DIXDC1: variants seen among roughly 807,000 people sequenced by gnomAD.
DIXDC1 encodes dixin.
In DIXDC1, 64 loss-of-function variants were observed where a neutral mutation model predicts 103.1. The ratio of observed to expected loss-of-function variants is 0.62; its 90% CI spans 0.51 to 0.76. The LOEUF is 0.76. Ranked by LOEUF, DIXDC1 falls within the 30% of genes least tolerant of loss-of-function variation. DIXDC1 has a pLI of 0.00. For synonymous variants in DIXDC1, 266 were observed against 298.5 expected, an observed-to-expected ratio of 0.89 and a Z score of 1.12; for missense variants, 759 against 834.2, an observed-to-expected ratio of 0.91 and a Z score of 1.11.
At chr11:112,013,332 T>C (rs868950370) in intron 17 of DIXDC1, among the ~76,000 whole-genome samples, 1 of 28,160 alleles carries the variant, frequency 3.6e-5, no homozygotes, top group Non-Finnish European at 7.7e-5. Flanking sequence ...GGGGGTGGGG[T>C]GGGGGGGGGG....
At position 111,980,847 on chromosome 11, in the gene DIXDC1, C is replaced by G; in HGVS notation, c.767C>G (p.Thr256Arg). ...IIPAEGIENRTEGTDSPLSRD... is the reference protein window; with the variant it reads ...IIPAEGIENRREGTDSPLSRD... ...CCCGCTGAAGGAATAGAGAACAGAA[C>G]AGGTACTATCTCTACGCCTGCCTGG... is the stretch of plus-strand genomic sequence containing the variant. The change falls in exon 6 of 20, where the codon ACA becomes AGA. Residue 256 changes from threonine to arginine, a missense_variant and splice_region_variant. Transcript: ENST00000440460. The G allele has an allele frequency of 6.2e-7, 1 of 1,612,298 alleles. No individual in the cohort carries two copies. Among genetic ancestry groups the G allele is most frequent in the Non-Finnish European group, 8.5e-7 (1 of 1,178,406 alleles).
At chr11:112,001,343 C>G (rs1555175976) in intron 17 of DIXDC1, among the ~76,000 whole-genome samples, 1 of 152,162 alleles carries the variant, frequency 6.6e-6, no homozygotes, top group East Asian at 1.9e-4. Flanking sequence ...TACAGGTTTT[C>G]TTTTGGGATG....
rs781855760 is a variant in DIXDC1 at position 111,974,198 on chromosome 11, C to T, written c.492C>T (p.Ala164=). The change falls in exon 4 of 20, where the codon GCC becomes GCT. Residue 164 remains alanine (A), a synonymous_variant. Coordinates refer to ENST00000440460, the MANE Select transcript of DIXDC1 (RefSeq NM_001037954.4). ...AVAQGAAAAL[A]DVCHDMSRSG... ...CCCAGGGAGCAGCTGCTGCTCTGGC[C>T]GATGTGTGTCATGACATGTCCCGAT... 5.6e-6 allele frequency: 9 copies of T among 1,613,726 alleles called. No individual in the cohort carries two copies. The highest frequency in any genetic ancestry group is 1.6e-4 in the Middle Eastern group (1 of 6,082).
chr11:111,957,625 C>G (rs1446830304), intron 1 of DIXDC1, among the ~76,000 whole-genome samples: 1 of 152,150 alleles, frequency 6.6e-6, no homozygotes, highest in Non-Finnish European at 1.5e-5. Flanking sequence ...CAGATAAACC[C>G]AAATTGTGGG....
rs1359744575 is a variant in DIXDC1 at position 111,937,432 on chromosome 11, GGGA to G, written c.-56_-54del. ...TGAGCCGAGAGCCTTTGTGTGCAGA[GGGA>G]GGAGGAGGAGGCGGCGGCGGCCGCC... On this transcript the variant is annotated 5_prime_UTR_variant, in exon 1 of 20. Transcript: ENST00000440460. 24 of 1,544,360 alleles carry G rather than the reference GGGA, an allele frequency of 1.6e-5. No individual in the cohort carries two copies. The highest frequency in any genetic ancestry group is 4.1e-5 in the African/African-American group (3 of 72,684).
At chr11:112,011,995 G>A (rs1303334618) in intron 17 of DIXDC1, among the ~76,000 whole-genome samples, 1 of 152,014 alleles carries the variant, frequency 6.6e-6, no homozygotes, top group South Asian at 2.1e-4. Flanking sequence ...GAAAATCTTA[G>A]GTATAAACTT....
At chr11:111,935,430 C>T (rs1247864465), upstream of DIXDC1, among the ~76,000 whole-genome samples, 1 of 152,196 alleles carries the variant, frequency 6.6e-6, no homozygotes, top group Non-Finnish European at 1.5e-5. Flanking sequence ...GTTTGAGAAA[C>T]GCTGACCTCT....
intron 1 of DIXDC1, among the ~76,000 whole-genome samples, chr11:111,945,049 T>C (rs1185330462): frequency 1.3e-5 from 2 of 152,164 alleles, no homozygotes; most frequent in Non-Finnish European, 2.9e-5. Flanking sequence ...GTGGACGTTA[T>C]TGACTCATGG....
chr11:111,954,284 C>T (rs1048423650), intron 1 of DIXDC1, among the ~76,000 whole-genome samples: 6 of 152,110 alleles, frequency 3.9e-5, no homozygotes, highest in Admixed American at 2.6e-4. Flanking sequence ...CTAGATTCCT[C>T]ACATGCACAG....
intron 1 of DIXDC1, among the ~76,000 whole-genome samples, chr11:111,956,201 G>A (rs907357481): frequency 1.3e-5 from 2 of 152,146 alleles, no homozygotes; most frequent in East Asian, 3.8e-4. Context: ...AAAGTAGAAT[G>A]GTGGTTGCCA....
Position 111,995,506 on chromosome 11 carries a change from T to C in DIXDC1, c.1631T>C (p.Ile544Thr). Residue 544 changes from isoleucine to threonine, a missense_variant, in exon 16 of 20, where the codon ATT becomes ACT. Transcript: ENST00000440460. ...HHTIDSLEQG[I>T]SSLMERLHVM... The stretch of plus-strand genomic sequence containing the variant: ...ACTATTGACAGCTTGGAGCAGGGCA[T>C]TTCTAGCCTCATGGAGCGCCTGCAT... The C allele has an allele frequency of 6.2e-7, 1 of 1,614,008 alleles. No individual in the cohort carries two copies. Among genetic ancestry groups the C allele is most frequent in the Non-Finnish European group, 8.5e-7 (1 of 1,179,910 alleles).
intron 1 of DIXDC1, chr11:111,928,578 T>C (rs1478602327): frequency 6.7e-6 from 1 of 148,512 alleles, no homozygotes; most frequent in Non-Finnish European, 1.5e-5. Context: ...ATGCCCAACA[T>C]GGCGAAACCC....
At position 111,964,575 on chromosome 11, in the gene DIXDC1, G is replaced by A. The variant is rs1555171317; in HGVS notation, c.87G>A (p.Trp29Ter). The A allele has an allele frequency of 1.2e-6, 2 of 1,607,762 alleles. No individual in the cohort carries two copies. The highest frequency in any genetic ancestry group is 3.4e-5 in the Admixed American group (2 of 58,920). The change falls in exon 2 of 20, where the codon TGG becomes TGA. Residue 29 changes from tryptophan (W) to a stop codon, truncating the protein, a stop_gained. Coordinates refer to ENST00000440460, the MANE Select transcript of DIXDC1 (RefSeq NM_001037954.4). LOFTEE classifies it high-confidence loss of function. ...AACAGCTGCAGGCCTATGTGGCCTG[G>A]GTGAATGCACAGCTGAAGAAGAGGC... Reference protein sequence around the residue: ...NEQQLQAYVAWVNAQLKKRPA... With the variant: ...NEQQLQAYVA
rs1226976974 is a variant in DIXDC1 at position 111,998,867 on chromosome 11, T to G, written c.1756+2721T>G. ...TATTTTTAAATGTAAACTAGATATC[T>G]CTCTCTGTAGGTCCCAAGGCACTGT... On this transcript the variant is annotated intron_variant, in intron 17 of 19. Coordinates refer to ENST00000440460, the MANE Select transcript of DIXDC1 (RefSeq NM_001037954.4). This position sits in a 1 kb window ranked among gnomAD's most constrained non-coding sequence, Gnocchi z 4.1. Among the ~76,000 whole-genome samples the G allele has an allele frequency of 6.6e-6, 1 of 152,136 alleles. No individual in the cohort carries two copies. Among genetic ancestry groups the G allele is most frequent in the Non-Finnish European group, 1.5e-5 (1 of 68,028 alleles).
chr11:111,962,182 C>T (rs1344974420), intron 1 of DIXDC1, among the ~76,000 whole-genome samples: 1 of 152,062 alleles, frequency 6.6e-6, no homozygotes, highest in Admixed American at 6.5e-5. Context: ...TGAGCTGAGA[C>T]TTAAGAAGAG....
At position 111,964,477 on chromosome 11, in the gene DIXDC1, C is replaced by A. The variant is rs376658761; in HGVS notation, c.61-72C>A. ...TATTATACCCCAGTCACAAACGCTT[C>A]CTCAGAGGGTATGAGGTAAGGGTTG... On this transcript the variant is annotated intron_variant, in intron 1 of 19. Transcript: ENST00000440460. The A allele has an allele frequency of 2.8e-5, 43 of 1,532,788 alleles. No homozygotes were observed. The African/African-American group carries it at 5.4e-4, about 19-fold the overall frequency. The allele number at this position is 1,532,788 out of a possible 1,614,324, so 94.9% of individuals were successfully genotyped here. A position where few individuals can be genotyped will look rare whatever the true frequency, so the allele number is the denominator to read the frequency against.
At position 111,993,437 on chromosome 11, in the gene DIXDC1, G is replaced by T. The variant is rs184657991; in HGVS notation, c.1273-59G>T. Reference sequence around the variant, plus strand: ...TTGAGTGGAAGTTACACTGCAGAGGGTGAACTTTTCAGTGTCCCTGGTTTT... The same window carrying T: ...TTGAGTGGAAGTTACACTGCAGAGGTTGAACTTTTCAGTGTCCCTGGTTTT... On this transcript the variant is annotated intron_variant, in intron 12 of 19. Transcript: ENST00000440460. The T allele has an allele frequency of 3.4e-5, 54 of 1,586,148 alleles. 2 individuals carry two copies. The highest frequency in any genetic ancestry group is 2.9e-4 in the East Asian group (13 of 44,726).
At chr11:111,983,325 G>T (rs1260256398) in intron 7 of DIXDC1, among the ~76,000 whole-genome samples, 4 of 152,200 alleles carry the variant, frequency 2.6e-5, no homozygotes, top group Admixed American at 6.5e-5. Context: ...CAACAGGGTG[G>T]GGACACAAAA....
chr11:112,012,801 A>C (rs1861464183), intron 17 of DIXDC1, among the ~76,000 whole-genome samples: 1 of 152,104 alleles, frequency 6.6e-6, no homozygotes, highest in Non-Finnish European at 1.5e-5. Context: ...TTGCTTTTTT[A>C]CTTGAAAAGT....
Sources: gnomAD v4.1 joint callset for allele counts (sites outside exome capture counted in the v4.1 genomes callset) on GRCh38, gnomAD v4.1.1 for gene constraint, Gnocchi (gnomAD v3.1) non-coding constraint, MANE v1.5 for transcripts, NCBI Gene and HGNC (gene_info 2026-07-23, HGNC 2026-07-21) for gene names.